The following ERBB4 variants were observed in gnomAD, a reference collection of about 807,000 sequenced individuals.
The protein encoded by ERBB4 is erb-b2 receptor tyrosine kinase 4.
A neutral mutation model predicts 158.0 loss-of-function variants in ERBB4; 42 were observed. The ratio of observed to expected loss-of-function variants is 0.27; its 90% confidence interval spans 0.21 to 0.34. The LOEUF is 0.34. ERBB4 is among the 10% of genes least tolerant of loss of function. ERBB4 has a pLI of 1.00. For synonymous variants in ERBB4, 583 were observed against 558.7 expected (o/e 1.04, Z -0.61); for missense variants, 1,333 against 1,624.1 (o/e 0.82, Z 3.08).
chr2:211,984,061 A>C lies in ERBB4; in HGVS notation c.235-36445T>G, dbSNP rs527410223. Among the ~76,000 whole-genome samples, 3 of 152,316 alleles carry C rather than the reference A, an allele frequency of 2.0e-5. No individual in the cohort carries two copies. In the South Asian group the frequency reaches 6.2e-4, roughly 32 times the overall value. On this transcript the variant is annotated intron_variant, in intron 2 of 27. Coordinates refer to ENST00000342788, the MANE Select transcript of ERBB4 (RefSeq NM_005235.3). Reference sequence around the variant, plus strand: ...TGGAAAATCTAAGATAAAATCCAAGAGTCAAGAAAATCCAAATCCAAGATC... The same window carrying C: ...TGGAAAATCTAAGATAAAATCCAAGCGTCAAGAAAATCCAAATCCAAGATC...
chr2:212,532,437 T>C (rs1692804554), intron 1 of ERBB4, among the ~76,000 whole-genome samples: 1 of 152,214 alleles, frequency 6.6e-6, no homozygotes, highest in African/African-American at 2.4e-5. Context: ...ATGACTTCAC[T>C]TGGAACAACA....
chr2:211,660,353 T>G (rs2071376798), intron 15 of ERBB4, among the ~76,000 whole-genome samples: 1 of 152,138 alleles, frequency 6.6e-6, no homozygotes, highest in Non-Finnish European at 1.5e-5. Context: ...GGTAACTGTG[T>G]TGGAGGCAGA....
At chr2:211,682,633 C>A (rs1431328427) in intron 12 of ERBB4, among the ~76,000 whole-genome samples, 1 of 152,110 alleles carries the variant, frequency 6.6e-6, no homozygotes, top group East Asian at 1.9e-4. Flanking sequence ...AAAAGATATC[C>A]TTTCTGTATG....
intron 3 of ERBB4, among the ~76,000 whole-genome samples, chr2:211,931,003 A>T (rs1029560109): frequency 6.6e-6 from 1 of 152,132 alleles, no homozygotes; most frequent in African/African-American, 2.4e-5. Context: ...GGACATTTGA[A>T]TAATTCCAGG....
chr2:211,437,321 T>G (rs1169196092), intron 20 of ERBB4, among the ~76,000 whole-genome samples: 1 of 152,200 alleles, frequency 6.6e-6, no homozygotes, highest in South Asian at 2.1e-4. Context: ...TTTTCAGAAA[T>G]GAACTTTGAT....
chr2:212,533,901 T>C (rs192488242), intron 1 of ERBB4, among the ~76,000 whole-genome samples: 2 of 152,342 alleles, frequency 1.3e-5, no homozygotes, highest in Admixed American at 1.3e-4. Context: ...AGAACAGATG[T>C]AGGCTTGAAC....
intron 2 of ERBB4, among the ~76,000 whole-genome samples, chr2:212,121,307 C>T (rs2079740772): frequency 6.6e-6 from 1 of 152,152 alleles, no homozygotes; most frequent in Admixed American, 6.5e-5. Flanking sequence ...TCTCAGCTCA[C>T]TGCAGCCTCC....
intron 20 of ERBB4, among the ~76,000 whole-genome samples, chr2:211,468,917 C>CAA (rs34611181): frequency 0.025 from 3,361 of 135,056 alleles, 101 homozygotes; most frequent in African/African-American, 0.074. Flanking sequence ...TCTTCTGCTT[C>CAA]AAAAAAAAAA....
At chr2:212,118,644 T>C (rs944365224) in intron 2 of ERBB4, among the ~76,000 whole-genome samples, 1 of 152,100 alleles carries the variant, frequency 6.6e-6, no homozygotes, top group Non-Finnish European at 1.5e-5. Flanking sequence ...ACAAAGGCTA[T>C]ATTTGAATTT....
At chr2:211,854,769 C>T (rs2077810079) in intron 3 of ERBB4, among the ~76,000 whole-genome samples, 1 of 152,006 alleles carries the variant, frequency 6.6e-6, no homozygotes, top group Non-Finnish European at 1.5e-5. Flanking sequence ...ACCAATAATG[C>T]TACCATGAAT....
Position 211,526,650 on chromosome 2 carries a change from G to A in ERBB4, c.2487+35253C>T, listed in dbSNP as rs543023149. Among the ~76,000 whole-genome samples, 4 of 152,218 alleles carry A rather than the reference G, an allele frequency of 2.6e-5. No homozygotes were observed. In the South Asian group the frequency reaches 8.3e-4, roughly 32 times the overall value. ...AAAGATATCTGATATTTCAGAGAGA[G>A]AATTCAAAATAGCTGTTTTGAGGAA... On this transcript the variant is annotated intron_variant, in intron 20 of 27. Coordinates refer to ENST00000342788, the MANE Select transcript of ERBB4 (RefSeq NM_005235.3).
chr2:211,783,259 A>T (rs2076078923), intron 4 of ERBB4, among the ~76,000 whole-genome samples: 1 of 152,232 alleles, frequency 6.6e-6, no homozygotes, highest in Non-Finnish European at 1.5e-5. Context: ...CAGCTTAAGA[A>T]GATTTTGGGC....
At chr2:211,472,109 A>T (rs528643644) in intron 20 of ERBB4, among the ~76,000 whole-genome samples, 111 of 152,240 alleles carry the variant, frequency 7.3e-4, no homozygotes, top group Non-Finnish European at 1.8e-4. Flanking sequence ...TGGTTATCCA[A>T]TTGGAAAAAT....
chr2:212,158,916 A>T (rs2081120589), intron 1 of ERBB4, among the ~76,000 whole-genome samples: 1 of 152,022 alleles, frequency 6.6e-6, no homozygotes, highest in African/African-American at 2.4e-5. Flanking sequence ...GTGGAATGAG[A>T]ATATTAATGT....
chr2:211,901,226 T>C (rs2079227027), intron 3 of ERBB4, among the ~76,000 whole-genome samples: 1 of 152,174 alleles, frequency 6.6e-6, no homozygotes, highest in Non-Finnish European at 1.5e-5. Context: ...TAACCTTGAA[T>C]AAGTCACTTA....
intron 2 of ERBB4, among the ~76,000 whole-genome samples, chr2:212,085,898 A>T (rs2078591610): frequency 6.6e-6 from 1 of 151,924 alleles, no homozygotes. Flanking sequence ...TTATATCAAG[A>T]TCACCTAGTT....
intron 1 of ERBB4, among the ~76,000 whole-genome samples, chr2:212,423,836 C>G (rs2091850041): frequency 6.6e-6 from 1 of 152,114 alleles, no homozygotes; most frequent in African/African-American, 2.4e-5. Flanking sequence ...AGTAGACACT[C>G]ACTTGACTTT....
intron 20 of ERBB4, among the ~76,000 whole-genome samples, chr2:211,455,793 A>T (rs1179469659): frequency 6.6e-6 from 1 of 152,112 alleles, no homozygotes; most frequent in Non-Finnish European, 1.5e-5. Flanking sequence ...TTCAAGAGAG[A>T]GCTTCTTCGT....
At chr2:211,460,329 A>G (rs2064497584) in intron 20 of ERBB4, among the ~76,000 whole-genome samples, 1 of 152,142 alleles carries the variant, frequency 6.6e-6, no homozygotes, top group South Asian at 2.1e-4. Context: ...TATCTTTGTA[A>G]AACTTCAGTA....
Sources: gnomAD v4.1 joint callset for allele counts (sites outside exome capture counted in the v4.1 genomes callset) on GRCh38, gnomAD v4.1.1 for gene constraint, MANE v1.5 for transcripts, NCBI Gene and HGNC (gene_info 2026-07-23, HGNC 2026-07-21) for gene names.